The following ZBTB37 variants were observed in gnomAD, a reference collection of about 807,000 sequenced individuals.
ZBTB37 encodes zinc finger and BTB domain containing 37.
Under a neutral mutation model 37.7 loss-of-function variants are expected in ZBTB37, and 15 were observed. The observed-to-expected ratio is 0.40, with a 90% CI of 0.27 to 0.61. ZBTB37 has a LOEUF of 0.61. Among genes scored for constraint, ZBTB37 ranks in the 20% least tolerant of loss-of-function variants. The pLI is 0.44. For missense variants in ZBTB37, 514 were observed against 641.9 expected (o/e 0.80, Z 2.15); for synonymous variants, 231 against 220.6 (o/e 1.05, Z -0.42).
intron 4 of ZBTB37, 33 bp from the exon 5 acceptor site, chr1:173,885,602 GT>G (rs1656579263): frequency 8.7e-6 from 13 of 1,486,402 alleles, no homozygotes; most frequent in Non-Finnish European, 1.2e-5. Flanking sequence ...AATAATATTT[GT>G]TCTTTCTTGG....
At chr1:173,881,936 C>A (rs1656335322) in intron 4 of ZBTB37, among the ~76,000 whole-genome samples, 1 of 151,754 alleles carries the variant, frequency 6.6e-6, no homozygotes, top group Admixed American at 6.6e-5. Flanking sequence ...CGCCTGTAGT[C>A]CCAGCTACTC....
At chr1:173,886,019 T>G in exon 5 of ZBTB37, 1 of 1,551,728 alleles carries the variant, frequency 6.4e-7, no homozygotes, top group Non-Finnish European at 8.7e-7. Flanking sequence ...CTGAAACAAC[T>G]GTCACATCTC....
At chr1:173,890,900 G>A (rs1001572691), downstream of ZBTB37, 12 of 152,130 alleles carry the variant, frequency 7.9e-5, no homozygotes, top group African/African-American at 2.9e-4. Context: ...GAAAAAATTT[G>A]CCAACTCCAA....
At chr1:173,903,225 C>T (rs1317094650) in exon 4 of ZBTB37, 3 of 152,646 alleles carry the variant, frequency 2.0e-5, no homozygotes, top group Non-Finnish European at 2.9e-5. Flanking sequence ...TCTCCTAGAG[C>T]CCCAGGACCC....
Position 173,870,943 on chromosome 1 carries a change from C to G in ZBTB37, c.718C>G (p.Leu240Val), listed in dbSNP as rs968975216. 2.5e-6 allele frequency: 4 copies of G among 1,614,072 alleles called. No homozygotes were observed. The African/African-American group carries it at 4.0e-5, about 16-fold the overall frequency. The change falls in exon 3 of 5, where the codon CTT becomes GTT. Residue 240 changes from leucine (L) to valine (V), a missense_variant. By Grantham distance (32) the Leu-to-Val change is conservative (BLOSUM62 1). Coordinates refer to ENST00000427304, the Ensembl canonical transcript of ZBTB37. ...TCGGAGTGATGATGAAGTTAGAGTTCTTGGAGCAGTACACATCAAAACTGA... is the reference window on the plus strand; with the variant it reads ...TCGGAGTGATGATGAAGTTAGAGTTGTTGGAGCAGTACACATCAAAACTGA...
At chr1:173,883,116 A>G (rs1313688196) in intron 4 of ZBTB37, among the ~76,000 whole-genome samples, 2 of 152,210 alleles carry the variant, frequency 1.3e-5, no homozygotes, top group African/African-American at 4.8e-5. Flanking sequence ...GCTATGTAAT[A>G]TTATGCATTC....
chr1:173,900,870 G>A (rs1393550709), exon 4 of ZBTB37: 1 of 152,214 alleles, frequency 6.6e-6, no homozygotes, highest in African/African-American at 2.4e-5. Flanking sequence ...AAAGAGAGTA[G>A]CCCCCTTAGG....
At chr1:173,900,145 G>GTTTTTTT (rs1657202690) in exon 4 of ZBTB37, 1 of 152,128 alleles carries the variant, frequency 6.6e-6, no homozygotes, top group African/African-American at 2.4e-5. Flanking sequence ...ATGGTAATAT[G>GTTTTTTT]TTTGATTATT....
chr1:173,891,751 C>G (rs972873788), exon 4 of ZBTB37: 1 of 151,876 alleles, frequency 6.6e-6, no homozygotes, highest in Admixed American at 6.6e-5. Context: ...CAACATAGAC[C>G]TTATCTCTAA....
chr1:173,881,524 T>C (rs548950562), intron 4 of ZBTB37, among the ~76,000 whole-genome samples: 140 of 152,254 alleles, frequency 9.2e-4, no homozygotes, highest in Middle Eastern at 6.8e-3. Flanking sequence ...CTTGAGGAAT[T>C]GCCACACTGT....
chr1:173,873,338 C>A (rs976002189), intron 3 of ZBTB37, 129 bp from the exon 4 acceptor site: 1 of 869,760 alleles, frequency 1.1e-6, no homozygotes, highest in Non-Finnish European at 1.7e-6. Context: ...CAAAACTATT[C>A]CTCAGTTATT....
chr1:173,895,301 C>T (rs1196687417), exon 4 of ZBTB37: 1 of 152,182 alleles, frequency 6.6e-6, no homozygotes, highest in South Asian at 2.1e-4. Flanking sequence ...CGGGATCTCA[C>T]CATGTTGCCT....
intron 4 of ZBTB37, among the ~76,000 whole-genome samples, chr1:173,875,741 A>G (rs1039398093): frequency 1.3e-5 from 2 of 151,268 alleles, no homozygotes; most frequent in African/African-American, 2.4e-5. Flanking sequence ...TTTAGCCTCA[A>G]CCTCCTAGGT....
intron 4 of ZBTB37, among the ~76,000 whole-genome samples, chr1:173,880,653 C>A (rs964572672): frequency 6.6e-6 from 1 of 152,306 alleles, no homozygotes; most frequent in South Asian, 2.1e-4. Flanking sequence ...AATAATCCAC[C>A]TCTTGACAAC....
intron 4 of ZBTB37, among the ~76,000 whole-genome samples, chr1:173,881,655 T>C (rs1656314833): frequency 6.6e-6 from 1 of 152,186 alleles, no homozygotes; most frequent in Non-Finnish European, 1.5e-5. Context: ...TTCTAACTGG[T>C]GTGAGATGGT....
intron 4 of ZBTB37, among the ~76,000 whole-genome samples, chr1:173,875,445 C>T (rs1347117508): frequency 2.6e-5 from 4 of 151,130 alleles, no homozygotes; most frequent in Non-Finnish European, 4.4e-5. Context: ...CCTGCCTCAA[C>T]CTCCTGAGTA....
intron 4 of ZBTB37, among the ~76,000 whole-genome samples, chr1:173,880,331 CATT>C (rs1433635789): frequency 6.6e-6 from 1 of 152,122 alleles, no homozygotes; most frequent in South Asian, 2.1e-4. Context: ...CTTTCAAAAA[CATT>C]AATACACCAA....
chr1:173,870,553 C>G, exon 3 of ZBTB37: 1 of 1,614,162 alleles, frequency 6.2e-7, no homozygotes, highest in Non-Finnish European at 8.5e-7. Context: ...CAGTTTTCTG[C>G]AAATGCAGCA....
intron 4 of ZBTB37, among the ~76,000 whole-genome samples, chr1:173,874,270 A>G (rs1392457842): frequency 3.3e-5 from 5 of 151,486 alleles, no homozygotes; most frequent in Non-Finnish European, 5.9e-5. Context: ...AAAAAAAAAA[A>G]AAAGAAATAC....
Sources: allele counts gnomAD v4.1 joint callset (sites outside exome capture counted in the v4.1 genomes callset), GRCh38; gene constraint gnomAD v4.1.1; transcripts MANE v1.5; gene names NCBI Gene and HGNC (gene_info 2026-07-23, HGNC 2026-07-21).